RRN3: variants seen among roughly 807,000 people sequenced by gnomAD.
RRN3 encodes the protein RNA polymerase I transcription factor RRN3, also known as RNA polymerase I-specific transcription initiation factor RRN3.
Under a neutral mutation model 82.3 loss-of-function variants are expected in RRN3, and 38 were observed. The ratio of observed to expected loss-of-function variants is 0.46; its 90% CI spans 0.36 to 0.61. The LOEUF (loss-of-function observed/expected upper bound fraction) is 0.61. RRN3 is among the 20% of genes least tolerant of loss of function. The pLI is 0.00. For missense variants in RRN3, 726 were observed against 793.1 expected (o/e 0.92, Z 1.02); for synonymous variants, 284 against 284.3 (o/e 1.00, Z 0.01).
At chr16:15,090,904 T>C (rs1253603961) in intron 3 of RRN3, among the ~76,000 whole-genome samples, 8 of 151,838 alleles carry the variant, frequency 5.3e-5, no homozygotes, top group African/African-American at 1.9e-4. Flanking sequence ...TGTTTTAGCT[T>C]TAAAGAGACA....
chr16:15,093,233 A>G (rs928507794), intron 1 of RRN3, among the ~76,000 whole-genome samples: 10 of 152,110 alleles, frequency 6.6e-5, no homozygotes, highest in Non-Finnish European at 7.4e-5. Context: ...CCAACTCCTG[A>G]CTTCAGATGA....
In RRN3 at chr16:15,068,211, A is replaced by C; in HGVS notation, c.1511T>G (p.Ile504Ser). The C allele has an allele frequency of 6.3e-7, 1 of 1,598,166 alleles. No homozygotes were observed. The highest frequency in any genetic ancestry group is 8.5e-7 in the Non-Finnish European group (1 of 1,172,420). Residue 504 changes from isoleucine (I) to serine (S), a missense_variant, in exon 15 of 18, where the codon ATT (isoleucine) becomes AGT (serine). Physicochemically the swap from Ile to Ser is moderately radical, Grantham distance 142. Coordinates refer to ENST00000198767, the MANE Select transcript of RRN3 (RefSeq NM_018427.5). ...AAAGTTAACCACTGAGGGCAGGCAA[A>C]TCTTCAGGGGATTTAGCTGGCTCAT... Reference protein sequence around the residue: ...IVMSQLNPLKICLPSVVNFFA... With the variant: ...IVMSQLNPLKSCLPSVVNFFA...
Position 15,072,974 on chromosome 16 carries a change from C to T in RRN3, c.1104G>A (p.Met368Ile). 1 of 1,613,508 alleles carries T rather than the reference C, an allele frequency of 6.2e-7. No individual in the cohort carries two copies. Among genetic ancestry groups the T allele is most frequent in the Middle Eastern group, 1.7e-4 (1 of 6,060 alleles). The change falls in exon 12 of 18, where the codon ATG becomes ATA. Residue 368 changes from methionine (M) to isoleucine (I), a missense_variant. By Grantham distance (10) the Met-to-Ile change is conservative. This residue lies in a region of RRN3 where 344 missense variants were observed against 394.5 expected (regional missense o/e 0.87). Transcript: ENST00000198767. ...CCAATTTGAAACTACAGAGGTAAAA[C>T]ATGAAAAACTGTACATGGCAGGAGG... The part of the protein sequence containing the change: ...THASCHVQFF[M>I]FYLCSFKLGF...
intron 11 of RRN3, among the ~76,000 whole-genome samples, chr16:15,073,625 G>C (rs918370655): frequency 6.6e-6 from 1 of 152,156 alleles, no homozygotes; most frequent in African/African-American, 2.4e-5. Flanking sequence ...CTTCTGAAGA[G>C]CAATTCTATC....
intron 1 of RRN3, 149 bp downstream of exon 1, chr16:15,093,996 A>C (rs1298041624): frequency 4.2e-6 from 3 of 708,258 alleles, no homozygotes; most frequent in Non-Finnish European, 7.6e-6. Context: ...AGGAGGAATG[A>C]GCTCATTTCT....
intron 6 of RRN3, among the ~76,000 whole-genome samples, chr16:15,085,114 C>G (rs2045866865): frequency 1.3e-5 from 2 of 152,032 alleles, no homozygotes; most frequent in Admixed American, 1.3e-4. Flanking sequence ...AAAACACATG[C>G]TAACCAAAAC....
intron 11 of RRN3, 58 bp downstream of exon 11, chr16:15,074,665 C>A: frequency 7.4e-7 from 1 of 1,355,664 alleles, no homozygotes; most frequent in Non-Finnish European, 1.0e-6. Context: ...TGGAAAATGC[C>A]CAGCACAAAG....
intron 5 of RRN3, 70 bp downstream of exon 5, chr16:15,086,059 A>T (rs2151814540): frequency 7.1e-7 from 1 of 1,412,242 alleles, no homozygotes; most frequent in Non-Finnish European, 9.7e-7. Context: ...AGTCTCTCAT[A>T]TATAAGGGGA....
chr16:15,072,181 TG>T, intron 12 of RRN3, among the ~76,000 whole-genome samples: 1 of 150,730 alleles, frequency 6.6e-6, no homozygotes. Context: ...AACACTCTCC[TG>T]ATCTCTAGGA....
At chr16:15,090,843 T>C (rs2941269) in intron 3 of RRN3, among the ~76,000 whole-genome samples, 11,699 of 151,124 alleles carry the variant, frequency 0.077, 649 homozygotes, top group Non-Finnish European at 0.11. Context: ...TAGGTGTATC[T>C]CGAACCTGGA....
At chr16:15,071,046 T>C (rs2045203459) in intron 13 of RRN3, 75 bp downstream of exon 13, 1 of 1,331,404 alleles carries the variant, frequency 7.5e-7, no homozygotes, top group African/African-American at 1.5e-5. Flanking sequence ...ATGGGAGATA[T>C]TTCTGACTTG....
chr16:15,079,413 T>A (rs939288469), intron 9 of RRN3, among the ~76,000 whole-genome samples: 1 of 152,206 alleles, frequency 6.6e-6, no homozygotes, highest in Non-Finnish European at 1.5e-5. Flanking sequence ...TGTGATTCTA[T>A]CAGGTTCTCT....
chr16:15,088,330 G>A (rs2045988629), intron 3 of RRN3, among the ~76,000 whole-genome samples: 1 of 152,044 alleles, frequency 6.6e-6, no homozygotes, highest in African/African-American at 2.4e-5. Flanking sequence ...AGCCAGGCAT[G>A]GTAGCACATG....
At chr16:15,075,267 A>C (rs1052842032) in intron 10 of RRN3, among the ~76,000 whole-genome samples, 1 of 151,386 alleles carries the variant, frequency 6.6e-6, no homozygotes, top group African/African-American at 2.4e-5. Flanking sequence ...AAAAAAAAAA[A>C]ACTAAACTAA....
At chr16:15,063,564 CG>C (rs1012831598) in intron 16 of RRN3, among the ~76,000 whole-genome samples, 3 of 151,650 alleles carry the variant, frequency 2.0e-5, no homozygotes, top group African/African-American at 7.3e-5. Context: ...AAAAATTAGC[CG>C]GGTGTGGTGG....
intron 14 of RRN3, 97 bp from the exon 15 acceptor site, chr16:15,068,374 A>C: frequency 7.0e-7 from 1 of 1,433,806 alleles, no homozygotes; most frequent in Non-Finnish European, 9.3e-7. Context: ...ATTTAAAAAA[A>C]ACTTTAAAAA....
intron 16 of RRN3, among the ~76,000 whole-genome samples, chr16:15,064,905 G>A (rs1439845194): frequency 4.6e-5 from 7 of 152,076 alleles, no homozygotes; most frequent in African/African-American, 1.2e-4. Flanking sequence ...GGTGGCTCAC[G>A]CCTGTAATCC....
At position 15,076,593 on chromosome 16, in the gene RRN3, C is replaced by T; in HGVS notation, c.823G>A (p.Gly275Ser). Reference protein sequence around the residue: ...DAEETATQTCGGTDSTEGLFN... With the variant: ...DAEETATQTCSGTDSTEGLFN... ...AATCCTTCCGTGGAATCTGTCCCAC[C>T]ACAAGTTTGAGTTGCTGTTTCTTCA... is the stretch of plus-strand genomic sequence containing the variant. Residue 275 changes from glycine (G) to serine (S), a missense_variant, in exon 10 of 18, where the codon GGT becomes AGT. Coordinates refer to ENST00000198767, the MANE Select transcript of RRN3 (RefSeq NM_018427.5). The T allele has an allele frequency of 6.2e-7, 1 of 1,613,296 alleles. No individual in the cohort carries two copies.
chr16:15,076,588 CCCA>C lies in RRN3; in HGVS notation c.825_827del (p.Gly276del), dbSNP rs777918094. 6 of 1,612,802 alleles carry C rather than the reference CCCA, an allele frequency of 3.7e-6. No individual in the cohort carries two copies. Among genetic ancestry groups the C allele is most frequent in the African/African-American group, 1.3e-5 (1 of 74,876 alleles). ...TAAACAATCCTTCCGTGGAATCTGT[CCCA>C]CCACAAGTTTGAGTTGCTGTTTCTT... On this transcript the variant is annotated inframe_deletion, in exon 10 of 18. Coordinates refer to ENST00000198767, the MANE Select transcript of RRN3 (RefSeq NM_018427.5).
Sources: gnomAD v4.1 joint callset for allele counts (sites outside exome capture counted in the v4.1 genomes callset) on GRCh38, gnomAD v4.1.1 for gene constraint, gnomAD v4.1.1 regional missense constraint, MANE v1.5 for transcripts, NCBI Gene and HGNC (gene_info 2026-07-23, HGNC 2026-07-21) for gene names.